Variants in STARD13 observed in about 807,000 individuals in gnomAD.
STARD13 encodes the protein StAR related lipid transfer domain containing 13, also known as stAR-related lipid transfer protein 13.
In STARD13, 62 loss-of-function variants were observed where a neutral mutation model predicts 106.4. That is an observed-to-expected ratio of 0.58 (90% CI 0.48 to 0.72). The LOEUF is 0.72. Ranked by LOEUF, STARD13 falls within the 30% of genes least tolerant of loss-of-function variation. The pLI, the probability that STARD13 is intolerant of heterozygous loss-of-function variation, is 0.00. For synonymous variants in STARD13, 565 were observed against 553.0 expected (o/e 1.02, Z -0.31); for missense variants, 1,387 against 1,424.0 (o/e 0.97, Z 0.42).
chr13:33,379,176 A>G, the STARD13 span, among the ~76,000 whole-genome samples: 1 of 152,210 alleles, frequency 6.6e-6, no homozygotes. Context: ...ACTTTTTTGT[A>G]CCATCAGCTC....
the STARD13 span, among the ~76,000 whole-genome samples, chr13:33,537,984 A>T: frequency 6.6e-6 from 1 of 152,090 alleles, no homozygotes; most frequent in Non-Finnish European, 1.5e-5. Flanking sequence ...GGCCCCACAA[A>T]CACCTCTGGA....
chr13:33,201,025 CA>C (rs1225088014), intron 1 of STARD13, among the ~76,000 whole-genome samples: 3 of 143,966 alleles, frequency 2.1e-5, no homozygotes, highest in Non-Finnish European at 4.6e-5. Context: ...GATTCTATCT[CA>C]AAAATAAAAA....
At chr13:33,411,707 T>A in the STARD13 span, among the ~76,000 whole-genome samples, 1 of 152,228 alleles carries the variant, frequency 6.6e-6, no homozygotes, top group African/African-American at 2.4e-5. Context: ...GACTGCCAAA[T>A]GGGTGGAATC....
the STARD13 span, chr13:33,383,626 A>C: frequency 6.6e-6 from 1 of 151,648 alleles, no homozygotes; most frequent in Non-Finnish European, 1.5e-5. Context: ...GCATGGTGGC[A>C]TGCACCTGTA....
In STARD13 at chr13:33,203,956, A is replaced by C. The variant is rs1887229933; in HGVS notation, c.170-36334T>G. On this transcript the variant is annotated intron_variant, in intron 1 of 13. Coordinates refer to ENST00000336934, the MANE Select transcript of STARD13 (RefSeq NM_178006.4). ...TCTCTGGGAGACAAAAATGGCTATAATTATTCATTATATTTGTAAGCAGTG... is the reference window on the plus strand; with the variant it reads ...TCTCTGGGAGACAAAAATGGCTATACTTATTCATTATATTTGTAAGCAGTG... 2.6e-5 allele frequency among the ~76,000 whole-genome samples: 4 copies of C among 152,342 alleles called. No homozygotes were observed. In the South Asian group the frequency reaches 8.3e-4, roughly 32 times the overall value.
the STARD13 span, among the ~76,000 whole-genome samples, chr13:33,656,656 T>C: frequency 6.6e-6 from 1 of 152,230 alleles, no homozygotes; most frequent in Non-Finnish European, 1.5e-5. Context: ...TCCTGGATTT[T>C]CTGAGAATCT....
At chr13:33,263,700 G>A (rs928809720) in intron 1 of STARD13, among the ~76,000 whole-genome samples, 3 of 152,188 alleles carry the variant, frequency 2.0e-5, no homozygotes, top group African/African-American at 7.2e-5. Context: ...TGTCACCCGA[G>A]CACTCTCTTC....
chr13:33,533,599 CA>C, the STARD13 span, among the ~76,000 whole-genome samples: 1 of 151,812 alleles, frequency 6.6e-6, no homozygotes. Context: ...TGTTTCCATT[CA>C]ATAAAATTAT....
chr13:33,124,793 C>G (rs1308775214), intron 7 of STARD13, among the ~76,000 whole-genome samples: 1 of 152,188 alleles, frequency 6.6e-6, no homozygotes, highest in Non-Finnish European at 1.5e-5. Context: ...CAAGTCAATT[C>G]ATGCTGGGGC....
the STARD13 span, among the ~76,000 whole-genome samples, chr13:33,371,584 A>G: frequency 6.6e-6 from 1 of 152,224 alleles, no homozygotes; most frequent in East Asian, 1.9e-4. Flanking sequence ...GCGCAATAGT[A>G]AAAACGACAC....
upstream of STARD13, among the ~76,000 whole-genome samples, chr13:33,351,098 T>A (rs1277506241): frequency 6.6e-6 from 1 of 152,210 alleles, no homozygotes; most frequent in Non-Finnish European, 1.5e-5. Flanking sequence ...TGTTAATCCT[T>A]CCTGATTTCT....
chr13:33,109,731 T>A lies in STARD13; in HGVS notation c.3047+142A>T, dbSNP rs529945853. 3 of 727,812 alleles carry A rather than the reference T, an allele frequency of 4.1e-6. No homozygotes were observed. The East Asian group carries it at 8.1e-5, about 20-fold the overall frequency. The allele number at this position is 727,812 out of a possible 1,614,324, so 45.1% of individuals were successfully genotyped here. On this transcript the variant is annotated intron_variant, in intron 12 of 13. Transcript: ENST00000336934. ...CGGGCATCGACACAGAAAACTCAGA[T>A]GTCACTGAGGGAAACAAGAGCCGGC... is the stretch of plus-strand genomic sequence containing the variant.
At chr13:33,523,289 C>T in the STARD13 span, among the ~76,000 whole-genome samples, 1 of 152,090 alleles carries the variant, frequency 6.6e-6, no homozygotes, top group Non-Finnish European at 1.5e-5. Context: ...TGCTGAGCCA[C>T]CAACACTTTA....
the STARD13 span, among the ~76,000 whole-genome samples, chr13:33,649,474 T>C: frequency 2.0e-5 from 3 of 152,218 alleles, no homozygotes; most frequent in South Asian, 4.1e-4. Flanking sequence ...TAATATAATA[T>C]GCCTTTTTAG....
the STARD13 span, among the ~76,000 whole-genome samples, chr13:33,453,425 T>C: frequency 6.6e-6 from 1 of 152,176 alleles, no homozygotes; most frequent in Non-Finnish European, 1.5e-5. Flanking sequence ...CATGAATAAA[T>C]CCTAAGTGCT....
At chr13:33,242,444 C>A (rs186894966) in intron 1 of STARD13, among the ~76,000 whole-genome samples, 1,877 of 152,300 alleles carry the variant, frequency 0.012, 73 homozygotes, top group Non-Finnish European at 8.6e-3. Flanking sequence ...TAATCTATAA[C>A]CTTACCCTCA....
intron 1 of STARD13, among the ~76,000 whole-genome samples, chr13:33,172,515 T>C (rs976363178): frequency 6.6e-6 from 1 of 152,164 alleles, no homozygotes; most frequent in East Asian, 1.9e-4. Flanking sequence ...TCAGGAAACA[T>C]AGTGAGCACA....
intron 1 of STARD13, among the ~76,000 whole-genome samples, chr13:33,207,220 T>G (rs147307251): frequency 6.6e-6 from 1 of 152,276 alleles, no homozygotes; most frequent in African/African-American, 2.4e-5. Flanking sequence ...ATGTTTGAAC[T>G]CCACAGTGAG....
intron 1 of STARD13, among the ~76,000 whole-genome samples, chr13:33,330,956 A>G (rs2077829239): frequency 6.6e-6 from 1 of 152,234 alleles, no homozygotes. Context: ...GTTGTAGAGC[A>G]AAGTAATTTA....
Sources: allele counts gnomAD v4.1 joint callset (sites outside exome capture counted in the v4.1 genomes callset), GRCh38; gene constraint gnomAD v4.1.1; transcripts MANE v1.5; gene names NCBI Gene and HGNC (gene_info 2026-07-23, HGNC 2026-07-21).